LGALS8: variants seen among roughly 807,000 people sequenced by gnomAD.
The protein encoded by LGALS8 is galectin-8.
LGALS8 carries 30 observed loss-of-function variants against 35.9 expected under a neutral mutation model. That is an observed-to-expected ratio of 0.83 (90% CI 0.62 to 1.13). The LOEUF is 1.13. Ranked by LOEUF, LGALS8 falls within the 50% of genes most tolerant of loss-of-function variation. The pLI is 0.00. For synonymous variants in LGALS8, 138 were observed against 136.1 expected, an observed-to-expected ratio of 1.01 and a Z score of -0.10; for missense variants, 366 against 388.7, an observed-to-expected ratio of 0.94 and a Z score of 0.49.
At position 236,550,984 on chromosome 1, in the gene LGALS8, C is replaced by T. The variant is rs200192734; in HGVS notation, c.*2823C>T. 6.6e-6 allele frequency: 8 copies of T among 1,213,776 alleles called. No individual in the cohort carries two copies. The highest frequency in any genetic ancestry group is 1.7e-5 in the African/African-American group (1 of 59,936). 75.2% of individuals were successfully genotyped at this position (1,213,776 alleles called of 1,614,324 possible). On this transcript the variant is annotated 3_prime_UTR_variant, in exon 10 of 10. Transcript: ENST00000366584. Reference sequence around the variant, plus strand: ...TTGGCACTGATGTTCTACTTCTTCACATTCATCTAAAAAAAAAAAAAAAAA... The same window carrying T: ...TTGGCACTGATGTTCTACTTCTTCATATTCATCTAAAAAAAAAAAAAAAAA...
upstream of LGALS8, among the ~76,000 whole-genome samples, chr1:236,520,387 A>C (rs1175264310): frequency 1.4e-4 from 21 of 151,982 alleles, no homozygotes; most frequent in Admixed American, 1.4e-3. Context: ...TTAAAAAAAA[A>C]AAAAAAACAA....
chr1:236,539,122 A>C (rs1558163508), intron 4 of LGALS8, 33 bp downstream of exon 4: 1 of 1,561,592 alleles, frequency 6.4e-7, no homozygotes. Context: ...TTGAGTCCTC[A>C]TTAGTGAGCA....
intron 2 of LGALS8, among the ~76,000 whole-genome samples, 154 bp from the exon 3 acceptor site, chr1:236,537,343 G>A (rs1661601833): frequency 6.8e-6 from 1 of 147,544 alleles, no homozygotes; most frequent in Admixed American, 6.8e-5. Context: ...TGTTTGAATA[G>A]GAAAGATGAC....
upstream of LGALS8, chr1:236,523,154 G>A (rs1447305079): frequency 6.6e-6 from 1 of 152,324 alleles, no homozygotes; most frequent in Non-Finnish European, 1.5e-5. Flanking sequence ...CTATCAGTCA[G>A]TGTAGGGCCC....
rs1662160511 is a variant in LGALS8 at position 236,543,569 on chromosome 1, T to C, written c.559T>C (p.Phe187Leu). The C allele has an allele frequency of 6.2e-7, 1 of 1,613,852 alleles. No individual in the cohort carries two copies. The highest frequency in any genetic ancestry group is 1.1e-5 in the South Asian group (1 of 91,070). The part of the protein sequence containing the change: ...KSGTPQLRLP[F>L]AARLNTPMGP... Reference sequence around the variant, plus strand: ...TGTGGCTTCTTTTCAGAGGCTGCCATTCGCTGCAAGGTTGAACACCCCCAT... The same window carrying C: ...TGTGGCTTCTTTTCAGAGGCTGCCACTCGCTGCAAGGTTGAACACCCCCAT... Residue 187 changes from phenylalanine to leucine, a missense_variant, in exon 8 of 10, where the codon TTC (phenylalanine) becomes CTC (leucine). Phe to Leu is a conservative substitution (Grantham distance 22, BLOSUM62 0). Transcript: ENST00000366584.
chr1:236,535,080 A>G (rs1558159736), intron 2 of LGALS8, among the ~76,000 whole-genome samples: 1 of 151,478 alleles, frequency 6.6e-6, no homozygotes, highest in Non-Finnish European at 1.5e-5. Context: ...AAAAAAAAAA[A>G]AAAAGTGATG....
chr1:236,550,660 G>T lies in LGALS8; in HGVS notation c.*2499G>T. 2.3e-6 allele frequency: 1 copy of T among 438,908 alleles called. No individual in the cohort carries two copies. The highest frequency in any genetic ancestry group is 4.0e-6 in the Non-Finnish European group (1 of 248,630). The allele number at this position is 438,908 out of a possible 1,614,324, so 27.2% of individuals were successfully genotyped here. ...AATAATAAATGTTTAAACAAACACA[G>T]CAGTCTGTATAAAAATACCGTGTAT... On this transcript the variant is annotated 3_prime_UTR_variant, in exon 10 of 10. Coordinates refer to ENST00000366584, the MANE Select transcript of LGALS8 (RefSeq NM_201544.4).
At chr1:236,521,808 G>A (rs1243286952), upstream of LGALS8, among the ~76,000 whole-genome samples, 1 of 150,102 alleles carries the variant, frequency 6.7e-6, no homozygotes, top group Admixed American at 6.7e-5. Context: ...ACTCCAACCT[G>A]GGCAACAGAG....
rs1268105082 is a variant in LGALS8 at position 236,538,985 on chromosome 1, T to C, written c.241T>C (p.Leu81=). Reference sequence around the variant, plus strand: ...GGCCGGCTGCATTGTTTGCAATACTTTGATAAATGAAAAATGGGGACGGGA... The same window carrying C: ...GGCCGGCTGCATTGTTTGCAATACTCTGATAAATGAAAAATGGGGACGGGA... ...KRAGCIVCNT[L]INEKWGREEI... is the part of the protein sequence containing the mutation. The change falls in exon 4 of 10, where the codon TTG becomes CTG. Residue 81 remains leucine, a synonymous_variant. Coordinates refer to ENST00000366584, the MANE Select transcript of LGALS8 (RefSeq NM_201544.4). The C allele has an allele frequency of 6.2e-7, 1 of 1,614,170 alleles. No individual in the cohort carries two copies. The highest frequency in any genetic ancestry group is 1.7e-5 in the Admixed American group (1 of 60,026).
chr1:236,545,480 T>G (rs1662305361), intron 9 of LGALS8, among the ~76,000 whole-genome samples: 1 of 152,214 alleles, frequency 6.6e-6, no homozygotes, highest in African/African-American at 2.4e-5. Context: ...AATAGTCTCC[T>G]TGTGATGCGG....
chr1:236,543,633 A>G lies in LGALS8; in HGVS notation c.623A>G (p.Asn208Ser). Residue 208 changes from asparagine to serine, a missense_variant, in exon 8 of 10, where the codon AAT (asparagine) becomes AGT (serine). Transcript: ENST00000366584. Reference protein sequence around the residue: ...GRTVVVKGEVNANAKSFNVDL... With the variant: ...GRTVVVKGEVSANAKSFNVDL... Reference sequence around the variant, plus strand: ...ACTGTCGTCGTTAAAGGAGAAGTGAATGCAAATGCCAAAAGGTCAGTATCC... The same window carrying G: ...ACTGTCGTCGTTAAAGGAGAAGTGAGTGCAAATGCCAAAAGGTCAGTATCC... 6.2e-7 allele frequency: 1 copy of G among 1,613,628 alleles called. No homozygotes were observed. Among genetic ancestry groups the G allele is most frequent in the Non-Finnish European group, 8.5e-7 (1 of 1,179,538 alleles).
Position 236,548,246 on chromosome 1 carries a change from C to G in LGALS8, c.*85C>G, listed in dbSNP as rs1662534097. The G allele has an allele frequency of 8.3e-7, 1 of 1,211,564 alleles. No homozygotes were observed. Among genetic ancestry groups the G allele is most frequent in the Non-Finnish European group, 1.2e-6 (1 of 850,636 alleles). The allele number at this position is 1,211,564 out of a possible 1,614,324, so 75.1% of individuals were successfully genotyped here. A position where few individuals can be genotyped will look rare whatever the true frequency, so the allele number is the denominator to read the frequency against. ...TGCTGAAACGCATCTCACTGTCATTCTATTGTTTATATTGTTAAAATGAGC... is the reference window on the plus strand; with the variant it reads ...TGCTGAAACGCATCTCACTGTCATTGTATTGTTTATATTGTTAAAATGAGC... On this transcript the variant is annotated 3_prime_UTR_variant, in exon 10 of 10. Coordinates refer to ENST00000366584, the MANE Select transcript of LGALS8 (RefSeq NM_201544.4).
intron 2 of LGALS8, among the ~76,000 whole-genome samples, chr1:236,527,689 C>CAAAAAA (rs74680187): frequency 6.7e-6 from 1 of 150,190 alleles, no homozygotes; most frequent in African/African-American, 2.5e-5. Flanking sequence ...TTCAATGTTC[C>CAAAAAA]AAAAAAAAAG....
At chr1:236,535,300 CTTTT>C (rs1385952620) in intron 2 of LGALS8, among the ~76,000 whole-genome samples, 3 of 151,454 alleles carry the variant, frequency 2.0e-5, no homozygotes, top group African/African-American at 4.8e-5. Flanking sequence ...TTCTCTTTTT[CTTTT>C]TTTAATTTTT....
intron 2 of LGALS8, among the ~76,000 whole-genome samples, chr1:236,527,689 C>CAAAA (rs74680187): frequency 0.042 from 6,360 of 150,226 alleles, 440 homozygotes; most frequent in African/African-American, 0.14. Context: ...TTCAATGTTC[C>CAAAA]AAAAAAAAAG....
chr1:236,544,978 G>C, intron 9 of LGALS8, 63 bp downstream of exon 9: 1 of 1,319,138 alleles, frequency 7.6e-7, no homozygotes, highest in Non-Finnish European at 1.1e-6. Flanking sequence ...GGTGGGATAA[G>C]TGGTCCATTT....
chr1:236,546,604 TA>T (rs773630418), intron 9 of LGALS8, among the ~76,000 whole-genome samples: 4 of 152,248 alleles, frequency 2.6e-5, no homozygotes, highest in Non-Finnish European at 4.4e-5. Flanking sequence ...TGTTTTCTTC[TA>T]GGCAAAGGAT....
Position 236,548,350 on chromosome 1 carries a change from C to G in LGALS8, c.*189C>G, listed in dbSNP as rs1177584672. On this transcript the variant is annotated 3_prime_UTR_variant, in exon 10 of 10. Coordinates refer to ENST00000366584, the MANE Select transcript of LGALS8 (RefSeq NM_201544.4). ...TGGTGTCTAGCACTGAATGGGGAAA[C>G]TGGGGGCAGCAACACTTATAGCCAG... The G allele has an allele frequency of 2.4e-5, 14 of 589,546 alleles. No individual in the cohort carries two copies. The highest frequency in any genetic ancestry group is 2.1e-4 in the East Asian group (7 of 34,070). 36.5% of individuals were successfully genotyped at this position (589,546 alleles called of 1,614,324 possible). A position where few individuals can be genotyped will look rare whatever the true frequency, so the allele number is the denominator to read the frequency against.
At chr1:236,533,670 AG>A (rs1297388429) in intron 2 of LGALS8, among the ~76,000 whole-genome samples, 2 of 151,214 alleles carry the variant, frequency 1.3e-5, no homozygotes, top group East Asian at 1.9e-4. Context: ...TGAATTGGTC[AG>A]GGTTTGTAGT....
Sources: allele counts gnomAD v4.1 joint callset (sites outside exome capture counted in the v4.1 genomes callset), GRCh38; gene constraint gnomAD v4.1.1; transcripts MANE v1.5; gene names NCBI Gene and HGNC (gene_info 2026-07-23, HGNC 2026-07-21).